Variants in KCND2 observed in about 807,000 individuals in gnomAD.
KCND2 encodes potassium voltage-gated channel subfamily D member 2.
KCND2 carries 16 observed loss-of-function variants against 54.4 expected under a neutral mutation model. The ratio of observed to expected loss-of-function variants is 0.29; its 90% CI spans 0.20 to 0.45. The LOEUF (loss-of-function observed/expected upper bound fraction) is 0.45. KCND2 is among the 20% of genes least tolerant of loss of function. The probability of loss-of-function intolerance (pLI) is 1.00; values close to 1 mark genes in which losing one functional copy is unlikely to be tolerated. For synonymous variants in KCND2, 317 were observed against 310.7 expected (o/e 1.02, Z -0.21); for missense variants, 486 against 824.2 (o/e 0.59, Z 5.02).
At chr7:120,463,748 G>A (rs770054692) in intron 1 of KCND2, among the ~76,000 whole-genome samples, 25 of 152,114 alleles carry the variant, frequency 1.6e-4, no homozygotes, top group Non-Finnish European at 3.2e-4. Flanking sequence ...AGGTGACATC[G>A]CAGATTATAT....
chr7:120,361,664 A>G (rs1800594613), intron 1 of KCND2, among the ~76,000 whole-genome samples: 1 of 152,070 alleles, frequency 6.6e-6, no homozygotes, highest in Non-Finnish European at 1.5e-5. Flanking sequence ...AGAACTTTGA[A>G]AAGCAGAAAG....
At chr7:120,301,593 C>T (rs950192156) in intron 1 of KCND2, among the ~76,000 whole-genome samples, 3 of 151,718 alleles carry the variant, frequency 2.0e-5, no homozygotes, top group African/African-American at 7.3e-5. Flanking sequence ...TGAATATTGC[C>T]ACATTGTTGG....
At chr7:120,349,691 T>C (rs1213655425) in intron 1 of KCND2, among the ~76,000 whole-genome samples, 1 of 152,184 alleles carries the variant, frequency 6.6e-6, no homozygotes, top group Non-Finnish European at 1.5e-5. Context: ...TACACAAATG[T>C]TTTTTGAGCC....
At chr7:120,354,792 C>G (rs550527065) in intron 1 of KCND2, among the ~76,000 whole-genome samples, 2 of 151,850 alleles carry the variant, frequency 1.3e-5, no homozygotes, top group African/African-American at 4.8e-5. Flanking sequence ...AAAAGAAAAG[C>G]AAAGAAAAGA....
intron 1 of KCND2, among the ~76,000 whole-genome samples, chr7:120,613,443 A>G (rs1792981875): frequency 6.6e-6 from 1 of 152,174 alleles, no homozygotes; most frequent in Non-Finnish European, 1.5e-5. Flanking sequence ...AGGTAGGAGA[A>G]TCACCTGAAC....
chr7:120,287,033 T>C (rs373888604), intron 1 of KCND2, among the ~76,000 whole-genome samples: 11 of 152,072 alleles, frequency 7.2e-5, no homozygotes, highest in African/African-American at 2.7e-4. Flanking sequence ...GAAAAGAAAG[T>C]ATCTTATTTC....
At chr7:120,426,538 T>G (rs1002935648) in intron 1 of KCND2, among the ~76,000 whole-genome samples, 2 of 151,984 alleles carry the variant, frequency 1.3e-5, no homozygotes, top group Admixed American at 1.3e-4. Context: ...ACTACTCCCT[T>G]TGGAGACTGT....
intron 1 of KCND2, among the ~76,000 whole-genome samples, chr7:120,712,617 G>A (rs543849840): frequency 6.6e-6 from 1 of 152,130 alleles, no homozygotes; most frequent in South Asian, 2.1e-4. Flanking sequence ...ATGAATAAAA[G>A]ACTAATAGAT....
intron 1 of KCND2, among the ~76,000 whole-genome samples, chr7:120,480,915 G>A (rs931987831): frequency 2.0e-5 from 3 of 152,202 alleles, no homozygotes; most frequent in Non-Finnish European, 2.9e-5. Context: ...TATAAGTGGA[G>A]ACTAGAAGAA....
chr7:120,595,591 G>GTATATATATATA (rs58301382), intron 1 of KCND2, among the ~76,000 whole-genome samples: 2,546 of 131,796 alleles, frequency 0.019, 61 homozygotes, highest in African/African-American at 0.055. Flanking sequence ...GTGTGTGTGT[G>GTATATATATATA]TATATATATA....
intron 1 of KCND2, among the ~76,000 whole-genome samples, chr7:120,686,969 G>A (rs1792210137): frequency 6.6e-6 from 1 of 152,064 alleles, no homozygotes; most frequent in Admixed American, 6.6e-5. Context: ...TAGAGAGATA[G>A]CATAACAACC....
intron 1 of KCND2, among the ~76,000 whole-genome samples, chr7:120,351,410 A>AT (rs1800402885): frequency 1.0e-5 from 1 of 96,110 alleles, no homozygotes; most frequent in Non-Finnish European, 2.1e-5. Context: ...ACACACACAC[A>AT]CACTCTCTCT....
At chr7:120,546,416 A>G (rs1322142951) in intron 1 of KCND2, among the ~76,000 whole-genome samples, 1 of 151,944 alleles carries the variant, frequency 6.6e-6, no homozygotes, top group African/African-American at 2.4e-5. Flanking sequence ...CACATTTATC[A>G]TTTCATGGCC....
intron 1 of KCND2, among the ~76,000 whole-genome samples, chr7:120,423,800 C>A (rs1344142864): frequency 2.0e-5 from 3 of 152,184 alleles, no homozygotes; most frequent in Admixed American, 1.3e-4. Flanking sequence ...GCACTGCTGG[C>A]ATTTTAAAAT....
chr7:120,635,951 C>T (rs1458845660), intron 1 of KCND2, among the ~76,000 whole-genome samples: 1 of 151,948 alleles, frequency 6.6e-6, no homozygotes, highest in African/African-American at 2.4e-5. Flanking sequence ...ATTTGTTTGC[C>T]TGGGGCTAGG....
intron 1 of KCND2, among the ~76,000 whole-genome samples, chr7:120,292,416 A>T (rs1799448667): frequency 6.6e-6 from 1 of 151,928 alleles, no homozygotes. Flanking sequence ...ATTTAGTGAC[A>T]TGTTTCACAG....
chr7:120,554,831 T>C (rs1792144534), intron 1 of KCND2, among the ~76,000 whole-genome samples: 1 of 152,220 alleles, frequency 6.6e-6, no homozygotes, highest in Non-Finnish European at 1.5e-5. Flanking sequence ...CATAGAATTA[T>C]ACCGTTAGCT....
intron 1 of KCND2, among the ~76,000 whole-genome samples, chr7:120,692,375 T>C (rs1792280498): frequency 6.6e-6 from 1 of 152,220 alleles, no homozygotes; most frequent in Non-Finnish European, 1.5e-5. Flanking sequence ...AATTCCTTAA[T>C]ACAAACTTTT....
chr7:120,515,855 A>C (rs1356073210), intron 1 of KCND2, among the ~76,000 whole-genome samples: 1 of 152,150 alleles, frequency 6.6e-6, no homozygotes, highest in Non-Finnish European at 1.5e-5. Flanking sequence ...TCTTCATGAG[A>C]TAAAACTAAT....
Sources: allele counts gnomAD v4.1 joint callset (sites outside exome capture counted in the v4.1 genomes callset), GRCh38; gene constraint gnomAD v4.1.1; transcripts MANE v1.5; gene names NCBI Gene and HGNC (gene_info 2026-07-23, HGNC 2026-07-21).